SGCZ: variants seen among roughly 807,000 people sequenced by gnomAD.
SGCZ encodes zeta-sarcoglycan.
Under a neutral mutation model 41.3 loss-of-function variants are expected in SGCZ, and 40 were observed. The observed-to-expected ratio is 0.97, with a 90% confidence interval of 0.75 to 1.26. The LOEUF is 1.26. Among genes scored for constraint, SGCZ ranks in the 50% most tolerant of loss-of-function variants. The probability of loss-of-function intolerance (pLI) is 0.00; values close to 1 mark genes in which losing one functional copy is unlikely to be tolerated. For synonymous variants in SGCZ, 206 were observed against 137.5 expected, an observed-to-expected ratio of 1.50 and a Z score of -3.49; for missense variants, 552 against 369.8, an observed-to-expected ratio of 1.49 and a Z score of -4.04.
intron 1 of SGCZ, among the ~76,000 whole-genome samples, chr8:14,806,089 A>C (rs943611258): frequency 7.9e-5 from 12 of 152,072 alleles, no homozygotes; most frequent in African/African-American, 2.9e-4. Context: ...CAGTGTGTAG[A>C]GGGAAATTTA....
intron 1 of SGCZ, among the ~76,000 whole-genome samples, chr8:14,899,456 T>A (rs1464538127): frequency 6.6e-6 from 1 of 152,166 alleles, no homozygotes; most frequent in Non-Finnish European, 1.5e-5. Context: ...AAGCACAGAA[T>A]GTGATTTAGA....
At chr8:14,212,951 T>G (rs182315101) in intron 4 of SGCZ, among the ~76,000 whole-genome samples, 18 of 152,194 alleles carry the variant, frequency 1.2e-4, no homozygotes, top group Admixed American at 4.6e-4. Context: ...ATGGGATTAA[T>G]AGTAGAATGG....
chr8:14,622,655 G>T (rs567031527), intron 1 of SGCZ, among the ~76,000 whole-genome samples: 3 of 152,224 alleles, frequency 2.0e-5, no homozygotes, highest in African/African-American at 7.2e-5. Context: ...AAATAATTTA[G>T]GTTACTGCTC....
At chr8:14,795,188 T>C (rs1330518629) in intron 1 of SGCZ, among the ~76,000 whole-genome samples, 1 of 152,170 alleles carries the variant, frequency 6.6e-6, no homozygotes, top group Admixed American at 6.5e-5. Flanking sequence ...ATAGGATACA[T>C]GTGAAAGATA....
intron 4 of SGCZ, among the ~76,000 whole-genome samples, chr8:14,194,088 G>T (rs1287010268): frequency 1.3e-5 from 2 of 151,594 alleles, no homozygotes; most frequent in Admixed American, 6.6e-5. Context: ...GAAACATTCT[G>T]TGAAAAACTA....
At chr8:14,704,092 G>C (rs1016302409) in intron 1 of SGCZ, among the ~76,000 whole-genome samples, 2 of 152,020 alleles carry the variant, frequency 1.3e-5, no homozygotes, top group African/African-American at 4.8e-5. Flanking sequence ...CAGGAATCAT[G>C]TCCGTTACGA....
intron 3 of SGCZ, among the ~76,000 whole-genome samples, chr8:14,269,578 A>G (rs1799994460): frequency 6.6e-6 from 1 of 152,144 alleles, no homozygotes; most frequent in African/African-American, 2.4e-5. Flanking sequence ...TCAGCTTTCA[A>G]CTTTCAAGTG....
chr8:14,305,900 G>A (rs911647225), intron 3 of SGCZ, among the ~76,000 whole-genome samples: 1 of 152,266 alleles, frequency 6.6e-6, no homozygotes, highest in Non-Finnish European at 1.5e-5. Flanking sequence ...GCACCATTCT[G>A]CCACCACGTG....
chr8:14,921,397 G>C (rs1387739356), intron 1 of SGCZ, among the ~76,000 whole-genome samples: 1 of 152,100 alleles, frequency 6.6e-6, no homozygotes, highest in African/African-American at 2.4e-5. Flanking sequence ...TTCTTCATTA[G>C]AAAATGGGGA....
At chr8:14,536,722 G>A (rs560176262) in intron 2 of SGCZ, among the ~76,000 whole-genome samples, 6 of 151,820 alleles carry the variant, frequency 4.0e-5, no homozygotes, top group Non-Finnish European at 8.8e-5. Context: ...ATGTATAAGT[G>A]TAGAAGATCA....
At chr8:15,033,070 G>A (rs1002820889) in intron 1 of SGCZ, among the ~76,000 whole-genome samples, 1 of 152,008 alleles carries the variant, frequency 6.6e-6, no homozygotes, top group Non-Finnish European at 1.5e-5. Flanking sequence ...CTACCTACTA[G>A]GCCTATTCCT....
At chr8:14,780,778 T>A (rs961587818) in intron 1 of SGCZ, among the ~76,000 whole-genome samples, 2 of 152,230 alleles carry the variant, frequency 1.3e-5, no homozygotes, top group Non-Finnish European at 2.9e-5. Context: ...TTATCCACTC[T>A]GTTTTCTTAG....
At chr8:15,046,189 T>C (rs757414793) in intron 1 of SGCZ, among the ~76,000 whole-genome samples, 2 of 152,014 alleles carry the variant, frequency 1.3e-5, no homozygotes, top group Non-Finnish European at 2.9e-5. Context: ...AATTTTACTT[T>C]CCAATTAAAG....
intron 3 of SGCZ, among the ~76,000 whole-genome samples, chr8:14,290,391 A>C (rs967945268): frequency 6.6e-6 from 1 of 152,120 alleles, no homozygotes; most frequent in African/African-American, 2.4e-5. Flanking sequence ...TGCACAGAGC[A>C]AAGAGAAAAC....
chr8:14,879,473 A>G (rs1804495725), intron 1 of SGCZ, among the ~76,000 whole-genome samples: 1 of 152,152 alleles, frequency 6.6e-6, no homozygotes, highest in Non-Finnish European at 1.5e-5. Context: ...TGAATATTTT[A>G]AAATTGACAC....
chr8:15,053,041 T>C (rs928277882), intron 1 of SGCZ, among the ~76,000 whole-genome samples: 1 of 152,156 alleles, frequency 6.6e-6, no homozygotes, highest in Non-Finnish European at 1.5e-5. Flanking sequence ...CATTCCTCTG[T>C]AATAACTCTA....
chr8:14,959,758 A>C (rs10112644), intron 1 of SGCZ, among the ~76,000 whole-genome samples: 2 of 151,992 alleles, frequency 1.3e-5, no homozygotes, highest in African/African-American at 4.8e-5. Flanking sequence ...ACTGGTTTGT[A>C]TATCTTTTCT....
At chr8:14,963,931 T>C (rs1054463477) in intron 1 of SGCZ, among the ~76,000 whole-genome samples, 2 of 152,060 alleles carry the variant, frequency 1.3e-5, no homozygotes, top group Non-Finnish European at 2.9e-5. Flanking sequence ...CCAGAAAAAA[T>C]TTTTTCTAAG....
At chr8:14,343,695 G>T (rs1389486113) in intron 2 of SGCZ, among the ~76,000 whole-genome samples, 3 of 152,156 alleles carry the variant, frequency 2.0e-5, no homozygotes, top group Non-Finnish European at 2.9e-5. Context: ...GAATAATCTA[G>T]ATTCAGAGGA....
Sources: allele counts gnomAD v4.1 joint callset (sites outside exome capture counted in the v4.1 genomes callset), GRCh38; gene constraint gnomAD v4.1.1; transcripts MANE v1.5; gene names NCBI Gene and HGNC (gene_info 2026-07-23, HGNC 2026-07-21).